The following ERC1 variants were observed in gnomAD, a reference collection of about 807,000 sequenced individuals.
ERC1 encodes ELKS/RAB6-interacting/CAST family member 1, also known as RAB6 interacting protein 2.
In ERC1, 56 loss-of-function variants were observed where a neutral mutation model predicts 132.0. The observed-to-expected ratio is 0.42, with a 90% confidence interval of 0.34 to 0.53. The LOEUF is 0.53. Ranked by LOEUF, ERC1 falls within the 20% of genes least tolerant of loss-of-function variation. The pLI is 0.03. For missense variants in ERC1, 1,202 were observed against 1,349.9 expected (o/e 0.89, Z 1.72); for synonymous variants, 478 against 476.1 (o/e 1.00, Z -0.05).
At chr12:993,358 T>C (rs867845694) in intron 1 of ERC1, among the ~76,000 whole-genome samples, 1 of 152,380 alleles carries the variant, frequency 6.6e-6, no homozygotes, top group East Asian at 1.9e-4. Context: ...GGTAGTAAGC[T>C]GTGATTCTTG....
At chr12:1,272,675 C>T (rs561520189) in intron 14 of ERC1, among the ~76,000 whole-genome samples, 162 of 152,190 alleles carry the variant, frequency 1.1e-3, no homozygotes, top group Admixed American at 2.0e-3. Context: ...GTAGGCCGGG[C>T]GCTGTGGCTT....
intron 16 of ERC1, among the ~76,000 whole-genome samples, chr12:1,373,023 T>C (rs1172570922): frequency 6.6e-6 from 1 of 152,240 alleles, no homozygotes; most frequent in Non-Finnish European, 1.5e-5. Context: ...CCAAAAGATG[T>C]CTTTTTTCTG....
At chr12:1,271,760 C>A (rs2077873112) in intron 14 of ERC1, among the ~76,000 whole-genome samples, 1 of 152,162 alleles carries the variant, frequency 6.6e-6, no homozygotes. Context: ...AGACAACAAC[C>A]CATTTCATAT....
chr12:1,424,611 G>A (rs901738770), intron 17 of ERC1, among the ~76,000 whole-genome samples: 1 of 152,138 alleles, frequency 6.6e-6, no homozygotes, highest in Non-Finnish European at 1.5e-5. Flanking sequence ...AGACAGGAGA[G>A]ACCCAGGCAG....
At chr12:1,104,145 TA>T (rs1944986320) in intron 3 of ERC1, among the ~76,000 whole-genome samples, 2 of 151,358 alleles carry the variant, frequency 1.3e-5, no homozygotes, top group Non-Finnish European at 2.9e-5. Flanking sequence ...AAAAAAAAGC[TA>T]TGTTTTTCTG....
intron 15 of ERC1, among the ~76,000 whole-genome samples, chr12:1,370,866 C>A (rs991127046): frequency 6.6e-6 from 1 of 152,046 alleles, no homozygotes; most frequent in Admixed American, 6.6e-5. Flanking sequence ...TAGCTGGGAC[C>A]AGAAGCGTGT....
At chr12:1,385,565 G>A (rs1478261393) in intron 16 of ERC1, among the ~76,000 whole-genome samples, 7 of 152,192 alleles carry the variant, frequency 4.6e-5, no homozygotes, top group African/African-American at 9.6e-5. Context: ...GATTCCAGGC[G>A]TGAGCCACCG....
intron 12 of ERC1, among the ~76,000 whole-genome samples, chr12:1,205,244 T>A (rs944491723): frequency 1.3e-5 from 2 of 152,068 alleles, no homozygotes; most frequent in African/African-American, 2.4e-5. Flanking sequence ...AAAAGTTACT[T>A]ATTTTGCATA....
intron 1 of ERC1, among the ~76,000 whole-genome samples, chr12:1,000,229 A>G (rs1961938143): frequency 6.6e-6 from 1 of 152,170 alleles, no homozygotes; most frequent in South Asian, 2.1e-4. Context: ...TCACGCCTGT[A>G]ATCCTAGCAC....
intron 17 of ERC1, among the ~76,000 whole-genome samples, chr12:1,441,519 TG>T (rs1207396244): frequency 6.6e-6 from 1 of 152,228 alleles, no homozygotes; most frequent in Non-Finnish European, 1.5e-5. Context: ...CCTTTCTTCG[TG>T]GTCATACTTT....
intron 12 of ERC1, among the ~76,000 whole-genome samples, chr12:1,215,456 CTA>C (rs1958309496): frequency 2.0e-5 from 3 of 152,090 alleles, no homozygotes. Flanking sequence ...GTACTTTGCA[CTA>C]TGTCTTTTGG....
intron 2 of ERC1, among the ~76,000 whole-genome samples, chr12:1,066,350 G>T (rs1158919963): frequency 6.6e-6 from 1 of 152,170 alleles, no homozygotes; most frequent in Admixed American, 6.5e-5. Flanking sequence ...GAAGAACAAA[G>T]AACTATATTA....
At chr12:1,301,130 G>A (rs1008182138) in intron 15 of ERC1, among the ~76,000 whole-genome samples, 1 of 151,794 alleles carries the variant, frequency 6.6e-6, no homozygotes, top group Admixed American at 6.6e-5. Flanking sequence ...ATAAGTGGGA[G>A]CTAAGCTATG....
intron 18 of ERC1, among the ~76,000 whole-genome samples, chr12:1,486,340 A>G (rs551835635): frequency 6.6e-6 from 1 of 152,080 alleles, no homozygotes; most frequent in Non-Finnish European, 1.5e-5. Flanking sequence ...GATGATGGTA[A>G]TATTCTAGGT....
chr12:1,226,452 T>C (rs2074579926), intron 12 of ERC1, among the ~76,000 whole-genome samples: 1 of 152,162 alleles, frequency 6.6e-6, no homozygotes, highest in South Asian at 2.1e-4. Flanking sequence ...GATCTGCTCT[T>C]AGCAAATTTC....
intron 13 of ERC1, among the ~76,000 whole-genome samples, chr12:1,248,152 TAGA>T (rs1408698791): frequency 1.3e-5 from 2 of 152,178 alleles, no homozygotes; most frequent in Non-Finnish European, 2.9e-5. Context: ...CCTTCAAGTA[TAGA>T]AGGTTTAATT....
chr12:1,165,470 G>T (rs112552734), intron 8 of ERC1, among the ~76,000 whole-genome samples: 6,468 of 151,802 alleles, frequency 0.043, 445 homozygotes, highest in African/African-American at 0.15. Flanking sequence ...CATGCCCGGC[G>T]AATTTTTTTG....
chr12:1,353,610 G>T (rs1055349938), intron 15 of ERC1, among the ~76,000 whole-genome samples: 8 of 152,126 alleles, frequency 5.3e-5, no homozygotes, highest in South Asian at 2.1e-4. Flanking sequence ...ACATAGGCTG[G>T]GGGGCCACTT....
At chr12:1,332,370 G>A (rs2082934216) in intron 15 of ERC1, among the ~76,000 whole-genome samples, 1 of 152,114 alleles carries the variant, frequency 6.6e-6, no homozygotes. Flanking sequence ...TGAATTATTT[G>A]TGTTTCCTAC....
Sources: allele counts gnomAD v4.1 joint callset (sites outside exome capture counted in the v4.1 genomes callset), GRCh38; gene constraint gnomAD v4.1.1; transcripts MANE v1.5; gene names NCBI Gene and HGNC (gene_info 2026-07-23, HGNC 2026-07-21).